SCAI: variants seen among roughly 807,000 people sequenced by gnomAD.
SCAI encodes the protein protein SCAI.
In SCAI, 24 loss-of-function variants were observed where a neutral mutation model predicts 92.2. The observed-to-expected ratio is 0.26, with a 90% confidence interval of 0.19 to 0.37. The LOEUF is 0.37. SCAI is among the 10% of genes least tolerant of loss of function. The pLI, the probability that SCAI is intolerant of heterozygous loss-of-function variation, is 1.00. For synonymous variants in SCAI, 261 were observed against 258.6 expected (o/e 1.01, Z -0.09); for missense variants, 450 against 736.2 (o/e 0.61, Z 4.50).
intron 11 of SCAI, 23 bp downstream of exon 11, chr9:125,003,091 A>C (rs1294457297): frequency 6.7e-7 from 1 of 1,500,630 alleles, no homozygotes; most frequent in African/African-American, 1.4e-5. Flanking sequence ...ACCTCATAGT[A>C]AAAAGTACTG....
At chr9:124,959,902 A>G (rs531834150) in intron 17 of SCAI, among the ~76,000 whole-genome samples, 6 of 152,256 alleles carry the variant, frequency 3.9e-5, no homozygotes, top group African/African-American at 1.4e-4. Context: ...TCCATGGTGT[A>G]TATGTGCCAC....
intron 9 of SCAI, among the ~76,000 whole-genome samples, chr9:125,011,427 G>T (rs1832637561): frequency 2.0e-5 from 3 of 152,210 alleles, no homozygotes; most frequent in Admixed American, 6.5e-5. Flanking sequence ...GGAAGAAAGG[G>T]TATCAGTGAT....
chr9:124,992,247 T>A (rs1832143068), intron 14 of SCAI, among the ~76,000 whole-genome samples: 1 of 151,772 alleles, frequency 6.6e-6, no homozygotes, highest in Admixed American at 6.6e-5. Flanking sequence ...AAAATAAATA[T>A]GAGACACCTT....
intron 2 of SCAI, among the ~76,000 whole-genome samples, chr9:125,136,253 G>GAC (rs1835523785): frequency 6.6e-6 from 1 of 150,748 alleles, no homozygotes. Context: ...TGGGACTACA[G>GAC]GTGTGTACCA....
Position 125,092,443 on chromosome 9 carries a change from A to T in SCAI, c.99-36436T>A, listed in dbSNP as rs1008046426. Among the ~76,000 whole-genome samples the T allele has an allele frequency of 4.6e-5, 7 of 152,284 alleles. No homozygotes were observed. The South Asian group carries it at 1.0e-3, about 23-fold the overall frequency. On this transcript the variant is annotated intron_variant, in intron 2 of 17. Coordinates refer to ENST00000336505, the MANE Select transcript of SCAI (RefSeq NM_001144877.3). Reference sequence around the variant, plus strand: ...ACTCTAGCCTGGGCAACAGAGCAAGACTCTGTCAAACAACAACAACAACAA... The same window carrying T: ...ACTCTAGCCTGGGCAACAGAGCAAGTCTCTGTCAAACAACAACAACAACAA...
chr9:124,964,237 A>AT (rs1272810721), intron 17 of SCAI, among the ~76,000 whole-genome samples: 2 of 152,156 alleles, frequency 1.3e-5, no homozygotes, highest in Non-Finnish European at 2.9e-5. Context: ...ACTGGTTCAG[A>AT]AACATTCATG....
intron 3 of SCAI, among the ~76,000 whole-genome samples, chr9:125,050,705 T>C (rs1833543873): frequency 6.6e-6 from 1 of 152,040 alleles, no homozygotes. Context: ...CCCAAGTTGC[T>C]GGGACTAAAG....
chr9:125,120,711 A>G (rs1588240490), intron 2 of SCAI, among the ~76,000 whole-genome samples: 1 of 151,938 alleles, frequency 6.6e-6, no homozygotes, highest in South Asian at 2.1e-4. Context: ...AAACAAATAA[A>G]TAAGTATAAA....
At chr9:124,988,505 T>TTA (rs563171115) in intron 14 of SCAI, among the ~76,000 whole-genome samples, 188 of 151,988 alleles carry the variant, frequency 1.2e-3, no homozygotes, top group African/African-American at 4.2e-3. Context: ...CCCAAAATAA[T>TTA]TATATATATA....
Position 125,032,028 on chromosome 9 carries a change from A to G in SCAI, c.231-2289T>C, listed in dbSNP as rs189868250. Among the ~76,000 whole-genome samples, 193 of 151,896 alleles carry G rather than the reference A, an allele frequency of 1.3e-3. 2 individuals are homozygous for G. Among genetic ancestry groups the G allele is most frequent in the African/African-American group, 4.3e-3 (177 of 41,412 alleles). ...GTTGTGCTAGTTCAACTCTGTCTCA[A>G]TCAGTACCCCTATGACCACCATTAG... On this transcript the variant is annotated intron_variant, in intron 3 of 17. Coordinates refer to ENST00000336505, the MANE Select transcript of SCAI (RefSeq NM_001144877.3).
chr9:125,061,498 G>A (rs977084365), intron 2 of SCAI, among the ~76,000 whole-genome samples: 9 of 152,158 alleles, frequency 5.9e-5, no homozygotes, highest in Non-Finnish European at 4.4e-5. Context: ...AGTGGCTCAC[G>A]CCTGTAATCC....
chr9:125,034,873 C>T lies in SCAI; in HGVS notation c.231-5134G>A, dbSNP rs1362072620. Among the ~76,000 whole-genome samples, 4 of 152,264 alleles carry T rather than the reference C, an allele frequency of 2.6e-5. No individual in the cohort carries two copies. The East Asian group carries it at 7.7e-4, about 29-fold the overall frequency. On this transcript the variant is annotated intron_variant, in intron 3 of 17. Coordinates refer to ENST00000336505, the MANE Select transcript of SCAI (RefSeq NM_001144877.3). Reference sequence around the variant, plus strand: ...AGAAGGAAAGATCATTTCTCAACTCCTGGCTTTGCTATGTATAATATTTAC... The same window carrying T: ...AGAAGGAAAGATCATTTCTCAACTCTTGGCTTTGCTATGTATAATATTTAC...
chr9:124,970,580 T>TGTGGTG (rs779073108), intron 17 of SCAI, among the ~76,000 whole-genome samples: 13 of 151,504 alleles, frequency 8.6e-5, no homozygotes, highest in Non-Finnish European at 1.3e-4. Context: ...ATTAGCCAGG[T>TGTGGTG]GTGGTGGTGG....
At chr9:125,130,215 A>G (rs1185462868) in intron 2 of SCAI, among the ~76,000 whole-genome samples, 1 of 152,084 alleles carries the variant, frequency 6.6e-6, no homozygotes, top group Non-Finnish European at 1.5e-5. Flanking sequence ...TTCTTAAAAC[A>G]AAAAAGCAAA....
At chr9:125,046,051 C>T (rs570859033) in intron 3 of SCAI, among the ~76,000 whole-genome samples, 1 of 151,076 alleles carries the variant, frequency 6.6e-6, no homozygotes, top group East Asian at 2.0e-4. Flanking sequence ...AATCCCACTA[C>T]TGGGTATCTA....
At chr9:125,125,762 C>A (rs1265534409) in intron 2 of SCAI, among the ~76,000 whole-genome samples, 1 of 131,576 alleles carries the variant, frequency 7.6e-6, no homozygotes, top group Non-Finnish European at 1.6e-5. Flanking sequence ...ACCTGGGAGG[C>A]GGAGGTTGCA....
At chr9:125,073,218 C>T (rs1464738885) in intron 2 of SCAI, among the ~76,000 whole-genome samples, 1 of 145,812 alleles carries the variant, frequency 6.9e-6, no homozygotes, top group Non-Finnish European at 1.5e-5. Context: ...CATTCTCCTG[C>T]CTCAGCCTCC....
At chr9:125,032,195 A>ATATTTTT (rs1177865840) in intron 3 of SCAI, among the ~76,000 whole-genome samples, 3,325 of 98,880 alleles carry the variant, frequency 0.034, 93 homozygotes, top group Non-Finnish European at 0.047. Context: ...ATATATATAT[A>ATATTTTT]TTTTTTTTTT....
intron 2 of SCAI, among the ~76,000 whole-genome samples, chr9:125,104,987 A>G (rs577038613): frequency 6.6e-6 from 1 of 151,872 alleles, no homozygotes; most frequent in East Asian, 1.9e-4. Flanking sequence ...TTTAGTGTCA[A>G]CACTGTTTTG....
Sources: allele counts gnomAD v4.1 joint callset (sites outside exome capture counted in the v4.1 genomes callset), GRCh38; gene constraint gnomAD v4.1.1; transcripts MANE v1.5; gene names NCBI Gene and HGNC (gene_info 2026-07-23, HGNC 2026-07-21).